The following RGPD4 variants were observed in gnomAD, a reference collection of about 807,000 sequenced individuals.
The protein encoded by RGPD4 is RANBP2 like and GRIP domain containing 4.
Under a neutral mutation model 141.1 loss-of-function variants are expected in RGPD4, and 84 were observed. That is an observed-to-expected ratio of 0.60 (90% CI 0.50 to 0.71). RGPD4 has a LOEUF of 0.71. Among genes scored for constraint, RGPD4 ranks in the 30% least tolerant of loss-of-function variants. The pLI is 0.00. For synonymous variants in RGPD4, 298 were observed against 566.8 expected, an observed-to-expected ratio of 0.53 and a Z score of 6.74; for missense variants, 918 against 1,622.4, an observed-to-expected ratio of 0.57 and a Z score of 7.46.
Position 107,833,904 on chromosome 2 carries a change from C to T in RGPD4, c.73-2698C>T, listed in dbSNP as rs184579482. 3.1e-3 allele frequency among the ~76,000 whole-genome samples: 469 copies of T among 151,962 alleles called. 11 individuals are homozygous for T. Among genetic ancestry groups the T allele is most frequent in the Admixed American group, 0.023 (351 of 15,254 alleles). ...TACAAAAATTAGCTGGGCATGGTGGCGTGCGCCTGCAGTCCCAGCTTGTAC... is the reference window on the plus strand; with the variant it reads ...TACAAAAATTAGCTGGGCATGGTGGTGTGCGCCTGCAGTCCCAGCTTGTAC... On this transcript the variant is annotated intron_variant, in intron 1 of 22. Transcript: ENST00000408999.
chr2:107,863,524 G>T (rs965440946), intron 17 of RGPD4, among the ~76,000 whole-genome samples: 1 of 149,660 alleles, frequency 6.7e-6, no homozygotes, highest in East Asian at 2.0e-4. Context: ...ACAGAGGCTC[G>T]CTCTGTTGCC....
chr2:107,829,865 G>A (rs1431058697), intron 1 of RGPD4, among the ~76,000 whole-genome samples: 3 of 152,042 alleles, frequency 2.0e-5, no homozygotes, highest in Admixed American at 1.3e-4. Flanking sequence ...TGTATCGGCG[G>A]GTTTCTTCCC....
intron 6 of RGPD4, among the ~76,000 whole-genome samples, chr2:107,847,038 G>A (rs1344518770): frequency 1.3e-5 from 2 of 151,194 alleles, no homozygotes; most frequent in African/African-American, 2.4e-5. Flanking sequence ...TCAGGAGATC[G>A]AGACCATCCC....
rs1675673461 is a variant in RGPD4 at position 107,892,270 on chromosome 2, G to GT, written c.*1546dup. Among the ~76,000 whole-genome samples, 2 of 52,970 alleles carry GT rather than the reference G, an allele frequency of 3.8e-5. 1 individual carries two copies. Among genetic ancestry groups the GT allele is most frequent in the Admixed American group, 2.7e-4 (2 of 7,286 alleles). 34.8% of individuals were successfully genotyped at this position (52,970 alleles called of 152,430 possible). ...TTTCAGAGCCGACATGAAGAGTTTAGTTTTTTTACTTTATAAACTGTGAAT... is the reference window on the plus strand; with the variant it reads ...TTTCAGAGCCGACATGAAGAGTTTAGTTTTTTTTACTTTATAAACTGTGAAT... On this transcript the variant is annotated 3_prime_UTR_variant, in exon 23 of 23. Coordinates refer to ENST00000408999, the MANE Select transcript of RGPD4 (RefSeq NM_182588.3).
chr2:107,887,330 C>G (rs1675544392), intron 22 of RGPD4, among the ~76,000 whole-genome samples: 1 of 152,096 alleles, frequency 6.6e-6, no homozygotes, highest in African/African-American at 2.4e-5. Context: ...AATGTTGAAT[C>G]TAGTAAGGAT....
chr2:107,830,065 G>T (rs1394916263), intron 1 of RGPD4, among the ~76,000 whole-genome samples: 1 of 151,866 alleles, frequency 6.6e-6, no homozygotes, highest in East Asian at 1.9e-4. Flanking sequence ...CTTGTTTTGA[G>T]TATGAGGTGT....
intron 22 of RGPD4, among the ~76,000 whole-genome samples, chr2:107,889,099 G>C (rs864982): frequency 0.25 from 37,209 of 146,416 alleles, 5,482 homozygotes; most frequent in East Asian, 0.62. Context: ...GCTACTCTGC[G>C]TAAGGTCAAA....
chr2:107,881,868 C>A (rs2104516685), intron 21 of RGPD4, among the ~76,000 whole-genome samples: 1 of 151,566 alleles, frequency 6.6e-6, no homozygotes, highest in Admixed American at 6.6e-5. Flanking sequence ...GTCTTATATT[C>A]CTGAATTTTC....
rs1434059410 is a variant in RGPD4 at position 107,871,236 on chromosome 2, A to C, written c.3232A>C (p.Lys1078Gln). The C allele has an allele frequency of 1.9e-6, 3 of 1,609,256 alleles. No homozygotes were observed. Among genetic ancestry groups the C allele is most frequent in the African/African-American group, 1.4e-5 (1 of 73,142 alleles). ...FRFDAEVRQW[K>Q]ERGLGNLKIL... ...ATTTGATGCTGAGGTAAGGCAGTGG[A>C]AAGAAAGGGGCTTGGGGAACTTAAA... The change falls in exon 20 of 23, where the codon AAA becomes CAA. Residue 1078 changes from lysine (K) to glutamine (Q), a missense_variant. Lys to Gln is a moderately conservative substitution (Grantham distance 53, BLOSUM62 1). Coordinates refer to ENST00000408999, the MANE Select transcript of RGPD4 (RefSeq NM_182588.3).
intron 15 of RGPD4, among the ~76,000 whole-genome samples, chr2:107,862,476 G>C (rs1344337885): frequency 6.6e-6 from 1 of 151,932 alleles, no homozygotes; most frequent in African/African-American, 2.4e-5. Flanking sequence ...ATAGAATAAA[G>C]ACAAAAAAAT....
At position 107,883,148 on chromosome 2, in the gene RGPD4, G is replaced by A. The variant is rs530982270; in HGVS notation, c.5266+275G>A. On this transcript the variant is annotated intron_variant, in intron 22 of 22. Coordinates refer to ENST00000408999, the MANE Select transcript of RGPD4 (RefSeq NM_182588.3). ...AATTGGATTTTTATCCTGGTGTTGC[G>A]TTCTGGTGTTCAGCTGAACGTGGTT... 418 of 648,886 alleles carry A rather than the reference G, an allele frequency of 6.4e-4. 6 individuals are homozygous for A. Among genetic ancestry groups the A allele is most frequent in the African/African-American group, 3.7e-3 (206 of 54,958 alleles). The allele number at this position is 648,886 out of a possible 1,614,324, so 40.2% of individuals were successfully genotyped here.
At chr2:107,846,490 G>C (rs1309427835) in intron 6 of RGPD4, among the ~76,000 whole-genome samples, 2 of 151,500 alleles carry the variant, frequency 1.3e-5, no homozygotes, top group Non-Finnish European at 1.5e-5. Context: ...TTTTGAGACG[G>C]AGTTTTGCTC....
chr2:107,858,530 C>T (rs1299240411), intron 9 of RGPD4, among the ~76,000 whole-genome samples: 1 of 151,982 alleles, frequency 6.6e-6, no homozygotes, highest in Non-Finnish European at 1.5e-5. Flanking sequence ...CTTCCGCCTG[C>T]CAGGTTCAAG....
chr2:107,883,356 C>A (rs920389590), intron 22 of RGPD4, among the ~76,000 whole-genome samples: 1 of 151,514 alleles, frequency 6.6e-6, no homozygotes, highest in Non-Finnish European at 1.5e-5. Context: ...ATAGGCCAGG[C>A]GCTGGTGGTT....
rs1219183826 is a variant in RGPD4, at chr2:107,831,606, C to T, written c.72+4521C>T. On this transcript the variant is annotated intron_variant, in intron 1 of 22. Coordinates refer to ENST00000408999, the MANE Select transcript of RGPD4 (RefSeq NM_182588.3). ...TTTTTTTTTTTTTGAGACGGAGTCTCGCTCTATCGTCCAGGCTGGAGTGTA... is the reference window on the plus strand; with the variant it reads ...TTTTTTTTTTTTTGAGACGGAGTCTTGCTCTATCGTCCAGGCTGGAGTGTA... Among the ~76,000 whole-genome samples, 8 of 99,544 alleles carry T rather than the reference C, an allele frequency of 8.0e-5. 1 individual carries two copies. The highest frequency in any genetic ancestry group is 0.03 in the Middle Eastern group (2 of 66). The allele number at this position is 99,544 out of a possible 152,430, so 65.3% of individuals were successfully genotyped here. A position where few individuals can be genotyped will look rare whatever the true frequency, so the allele number is the denominator to read the frequency against.
intron 22 of RGPD4, among the ~76,000 whole-genome samples, chr2:107,884,231 C>A (rs1161344315): frequency 6.6e-6 from 1 of 152,096 alleles, no homozygotes; most frequent in Non-Finnish European, 1.5e-5. Flanking sequence ...CTGCCTCGGC[C>A]TCCCAAGTAG....
Position 107,844,842 on chromosome 2 carries a change from T to G in RGPD4, c.782+1112T>G, listed in dbSNP as rs1481353655. Among the ~76,000 whole-genome samples, 29 of 100,924 alleles carry G rather than the reference T, an allele frequency of 2.9e-4. 3 individuals are homozygous for G. The highest frequency in any genetic ancestry group is 1.9e-4 in the Non-Finnish European group (9 of 47,426). 66.2% of individuals were successfully genotyped at this position (100,924 alleles called of 152,430 possible). On this transcript the variant is annotated intron_variant, in intron 6 of 22. Coordinates refer to ENST00000408999, the MANE Select transcript of RGPD4 (RefSeq NM_182588.3). ...TTCTTTCTTTTTTGTTTTTTTTTTT[T>G]TTTTTTTTTTTTGAGAGGGAGTCTT...
chr2:107,876,804 G>T (rs1311385579), intron 20 of RGPD4, among the ~76,000 whole-genome samples: 7 of 152,096 alleles, frequency 4.6e-5, no homozygotes, highest in African/African-American at 1.4e-4. Context: ...GAAGTAATCA[G>T]CCAGGGCAAA....
chr2:107,880,322 G>GGC (rs1279447792), intron 21 of RGPD4, among the ~76,000 whole-genome samples: 2 of 125,334 alleles, frequency 1.6e-5, no homozygotes, highest in East Asian at 4.7e-4. Context: ...GGAGTGCAGT[G>GGC]GCACGATCCC....
Sources: gnomAD v4.1 joint callset for allele counts (sites outside exome capture counted in the v4.1 genomes callset) on GRCh38, gnomAD v4.1.1 for gene constraint, MANE v1.5 for transcripts, NCBI Gene and HGNC (gene_info 2026-07-23, HGNC 2026-07-21) for gene names.